Variants in CDKAL1 observed in about 807,000 individuals in gnomAD.
CDKAL1 encodes threonylcarbamoyladenosine tRNA methylthiotransferase.
A neutral mutation model predicts 68.2 loss-of-function variants in CDKAL1; 32 were observed. That is an observed-to-expected ratio of 0.47 (90% CI 0.35 to 0.63). The LOEUF is 0.63. Among genes scored for constraint, CDKAL1 ranks in the 30% least tolerant of loss-of-function variants. The pLI is 0.00. For synonymous variants in CDKAL1, 234 were observed against 244.3 expected (o/e 0.96, Z 0.39); for missense variants, 606 against 696.7 (o/e 0.87, Z 1.47).
At chr6:21,206,666 T>C (rs1038518026) in intron 15 of CDKAL1, among the ~76,000 whole-genome samples, 14 of 152,204 alleles carry the variant, frequency 9.2e-5, no homozygotes, top group Non-Finnish European at 1.8e-4. Context: ...TCGTGGAAGA[T>C]TGAAAGGATC....
In CDKAL1 at chr6:20,589,788, T is replaced by A. The variant is rs754094491; in HGVS notation, c.286+41083T>A. Reference sequence around the variant, plus strand: ...CTCATATTCAGTGAAGTGCTAAAAATGATGTCCAAATTTATGTTTAAAGTT... The same window carrying A: ...CTCATATTCAGTGAAGTGCTAAAAAAGATGTCCAAATTTATGTTTAAAGTT... On this transcript the variant is annotated intron_variant, in intron 4 of 15. Transcript: ENST00000274695. Among the ~76,000 whole-genome samples, 24 of 152,338 alleles carry A rather than the reference T, an allele frequency of 1.6e-4. No individual in the cohort carries two copies. In the Middle Eastern group the frequency reaches 0.014, roughly 87 times the overall value.
intron 13 of CDKAL1, among the ~76,000 whole-genome samples, chr6:21,163,033 C>T (rs1441845648): frequency 6.6e-6 from 1 of 152,192 alleles, no homozygotes; most frequent in African/African-American, 2.4e-5. Flanking sequence ...AATGCCACAG[C>T]TGAACCCTTC....
At chr6:21,153,051 G>T (rs1200553209) in intron 13 of CDKAL1, among the ~76,000 whole-genome samples, 1 of 151,938 alleles carries the variant, frequency 6.6e-6, no homozygotes, top group Non-Finnish European at 1.5e-5. Context: ...ATGTTCACTG[G>T]TTCAGAAGTA....
At chr6:21,059,793 C>G (rs942948201) in intron 11 of CDKAL1, among the ~76,000 whole-genome samples, 18 of 152,106 alleles carry the variant, frequency 1.2e-4, no homozygotes, top group Admixed American at 6.5e-5. Context: ...TTTTAGGGTA[C>G]AAGTGGTTTC....
intron 12 of CDKAL1, among the ~76,000 whole-genome samples, chr6:21,072,976 C>T (rs924994285): frequency 6.6e-6 from 1 of 152,108 alleles, no homozygotes; most frequent in Non-Finnish European, 1.5e-5. Context: ...ATCCTGTGTT[C>T]TCTGCTTGTT....
At chr6:20,581,960 A>G (rs750400011) in intron 4 of CDKAL1, among the ~76,000 whole-genome samples, 1 of 152,160 alleles carries the variant, frequency 6.6e-6, no homozygotes, top group East Asian at 1.9e-4. Flanking sequence ...AAAGCCCCCA[A>G]TCCCTTTATA....
At chr6:20,857,342 G>A (rs1211433504) in intron 9 of CDKAL1, among the ~76,000 whole-genome samples, 2 of 152,202 alleles carry the variant, frequency 1.3e-5, no homozygotes. Context: ...AGAAAGAATT[G>A]ATGAAACAAG....
At chr6:21,160,663 G>GTA (rs1225638585) in intron 13 of CDKAL1, among the ~76,000 whole-genome samples, 2 of 125,670 alleles carry the variant, frequency 1.6e-5, no homozygotes, top group African/African-American at 6.1e-5. Flanking sequence ...ACACGTGTGT[G>GTA]TGTGTGTGTG....
chr6:20,963,011 TAA>T (rs1281295702), intron 10 of CDKAL1, among the ~76,000 whole-genome samples: 1 of 152,188 alleles, frequency 6.6e-6, no homozygotes, highest in Non-Finnish European at 1.5e-5. Context: ...TTCTGAATAT[TAA>T]AGAGAGAAAA....
At chr6:20,784,408 A>ATTTTTT (rs1402113263) in intron 8 of CDKAL1, among the ~76,000 whole-genome samples, 42 of 22,970 alleles carry the variant, frequency 1.8e-3, no homozygotes, top group Non-Finnish European at 2.2e-3. Context: ...CAGATATTTT[A>ATTTTTT]TTTCTTTTTT....
chr6:20,600,551 T>C (rs1021494096), intron 4 of CDKAL1, among the ~76,000 whole-genome samples: 11 of 152,004 alleles, frequency 7.2e-5, no homozygotes, highest in African/African-American at 2.7e-4. Flanking sequence ...AATACCACTT[T>C]TGAGGTAGTG....
At chr6:21,114,760 AAAGAT>A (rs1280130648) in intron 13 of CDKAL1, among the ~76,000 whole-genome samples, 6 of 152,182 alleles carry the variant, frequency 3.9e-5, no homozygotes, top group Non-Finnish European at 7.3e-5. Context: ...AAAGAAAAGA[AAAGAT>A]AAAAGACGGC....
chr6:20,729,913 C>T (rs986982125), intron 5 of CDKAL1, among the ~76,000 whole-genome samples: 1 of 152,244 alleles, frequency 6.6e-6, no homozygotes, highest in Non-Finnish European at 1.5e-5. Flanking sequence ...CAGGCATACT[C>T]TAAGCCTGGT....
chr6:20,551,661 C>T (rs546169728), intron 4 of CDKAL1, among the ~76,000 whole-genome samples: 11 of 152,182 alleles, frequency 7.2e-5, no homozygotes, highest in Admixed American at 2.0e-4. Flanking sequence ...TGAGCCACCG[C>T]GCCTGGCCTA....
At chr6:20,605,408 A>C (rs1766290198) in intron 4 of CDKAL1, among the ~76,000 whole-genome samples, 1 of 152,168 alleles carries the variant, frequency 6.6e-6, no homozygotes, top group South Asian at 2.1e-4. Context: ...TGGTTATAAT[A>C]ACTTTTTAAT....
At chr6:20,880,964 A>G (rs533575062) in intron 9 of CDKAL1, among the ~76,000 whole-genome samples, 6 of 152,016 alleles carry the variant, frequency 3.9e-5, no homozygotes, top group South Asian at 2.1e-4. Flanking sequence ...TCATCCAGGC[A>G]TCTTCCTTTC....
chr6:21,098,205 A>G (rs1364416644), intron 12 of CDKAL1, among the ~76,000 whole-genome samples: 1 of 152,212 alleles, frequency 6.6e-6, no homozygotes, highest in East Asian at 1.9e-4. Flanking sequence ...GAATGGAAAC[A>G]GAAACTGGTT....
rs543271186 is a variant in CDKAL1, at chr6:20,849,515, G to A, written c.742+3337G>A. Among the ~76,000 whole-genome samples, 252 of 151,352 alleles carry A rather than the reference G, an allele frequency of 1.7e-3. 1 individual carries two copies. The highest frequency in any genetic ancestry group is 5.8e-3 in the African/African-American group (240 of 41,268). On this transcript the variant is annotated intron_variant, in intron 9 of 15. Coordinates refer to ENST00000274695, the MANE Select transcript of CDKAL1 (RefSeq NM_017774.3). ...GGAGAATGGCGTGAACCCGGGAGGC[G>A]GAGCTTGCAGTGAGCTGAGATTGCG...
chr6:20,574,341 A>G (rs1392584890), intron 4 of CDKAL1, among the ~76,000 whole-genome samples: 1 of 152,128 alleles, frequency 6.6e-6, no homozygotes, highest in African/African-American at 2.4e-5. Flanking sequence ...AAAGGATGTA[A>G]TCCTAGCTCA....
Sources: gnomAD v4.1 joint callset for allele counts (sites outside exome capture counted in the v4.1 genomes callset) on GRCh38, gnomAD v4.1.1 for gene constraint, MANE v1.5 for transcripts, NCBI Gene and HGNC (gene_info 2026-07-23, HGNC 2026-07-21) for gene names.